The following UBE2D3 variants were observed in gnomAD, a reference collection of about 807,000 sequenced individuals.
UBE2D3 encodes ubiquitin conjugating enzyme E2 D3, also known as ubiquitin-conjugating enzyme E2 D3.
In UBE2D3, 2 loss-of-function variants were observed where a neutral mutation model predicts 22.8. That is an observed-to-expected ratio of 0.09 (90% CI 0.04 to 0.28). UBE2D3 has a LOEUF of 0.28. UBE2D3 is among the 10% of genes least tolerant of loss of function. The pLI is 1.00. For missense variants in UBE2D3, 27 were observed against 182.5 expected (o/e 0.15, Z 4.91); for synonymous variants, 56 against 60.4 (o/e 0.93, Z 0.34).
intron 1 of UBE2D3, among the ~76,000 whole-genome samples, chr4:102,863,050 GT>G (rs369719595): frequency 1.6e-3 from 234 of 148,402 alleles, no homozygotes; most frequent in African/African-American, 5.2e-3. Context: ...GTTTTTCTTT[GT>G]TTTTTTTTTC....
chr4:102,819,674 A>C, intron 2 of UBE2D3: 1 of 810,438 alleles, frequency 1.2e-6, no homozygotes, highest in Non-Finnish European at 1.5e-6. Flanking sequence ...AAGTTCATGG[A>C]TTCTACCTTT....
upstream of UBE2D3, among the ~76,000 whole-genome samples, chr4:102,830,324 A>G (rs1731052473): frequency 6.6e-6 from 1 of 152,264 alleles, no homozygotes; most frequent in African/African-American, 2.4e-5. Flanking sequence ...ACAAGAAAGG[A>G]AAATAATCAT....
At chr4:102,802,366 CA>C in intron 5 of UBE2D3, 194 bp downstream of exon 5, 1 of 377,528 alleles carries the variant, frequency 2.6e-6, no homozygotes, top group Non-Finnish European at 4.7e-6. Flanking sequence ...AAAGAAAAGG[CA>C]AACCTTATTC....
At chr4:102,802,798 A>T in intron 4 of UBE2D3, 160 bp from the exon 5 acceptor site, 1 of 454,780 alleles carries the variant, frequency 2.2e-6, no homozygotes, top group Non-Finnish European at 3.8e-6. Flanking sequence ...AGTAATAGAA[A>T]AAAACTTAAA....
chr4:102,825,877 G>A (rs1395313557), intron 2 of UBE2D3: 4 of 438,548 alleles, frequency 9.1e-6, no homozygotes, highest in Non-Finnish European at 1.8e-5. Context: ...TACAGGAAGT[G>A]GCAACACTGT....
intron 1 of UBE2D3, among the ~76,000 whole-genome samples, chr4:102,854,370 TG>T (rs1732532925): frequency 1.3e-5 from 2 of 152,316 alleles, no homozygotes; most frequent in East Asian, 3.9e-4. Context: ...CAATTTTTAC[TG>T]ATTTTCTGCC....
In UBE2D3 at chr4:102,802,625, T is replaced by A; in HGVS notation, c.134A>T (p.Tyr45Phe). ...ATIMGPNDSP[Y>F]QGGVFFLTIH... The stretch of plus-strand genomic sequence containing the variant: ...TGTCAAAAAGAATACACCGCCTTGA[T>A]ATGGGCTGTCATTCTGTAAAAAGAA... The change falls in exon 5 of 8, where the codon TAT becomes TTT. Residue 45 changes from tyrosine (Y) to phenylalanine (F), a missense_variant. Physicochemically the swap from Tyr to Phe is conservative, Grantham distance 22. Transcript: ENST00000453744. The A allele has an allele frequency of 6.3e-7, 1 of 1,598,842 alleles. No individual in the cohort carries two copies. The highest frequency in any genetic ancestry group is 8.5e-7 in the Non-Finnish European group (1 of 1,171,282).
At chr4:102,857,767 T>G (rs897197429) in intron 1 of UBE2D3, among the ~76,000 whole-genome samples, 1 of 152,104 alleles carries the variant, frequency 6.6e-6, no homozygotes. Context: ...GATCTCAGCT[T>G]ATTACAACCT....
intron 2 of UBE2D3, chr4:102,811,366 T>C (rs757951381): frequency 3.8e-4 from 57 of 151,556 alleles, no homozygotes; most frequent in South Asian, 8.0e-4. Flanking sequence ...CAAAATCCTG[T>C]CTCAGAAACA....
chr4:102,830,649 A>G (rs957003918), upstream of UBE2D3, among the ~76,000 whole-genome samples: 14 of 152,210 alleles, frequency 9.2e-5, no homozygotes, highest in African/African-American at 3.4e-4. Context: ...CGATCACTTG[A>G]GCCCAGGAGT....
In UBE2D3 at chr4:102,865,725, G is replaced by C. The variant is rs544130816; in HGVS notation, c.-129+2990C>G. Among the ~76,000 whole-genome samples, 80 of 152,216 alleles carry C rather than the reference G, an allele frequency of 5.3e-4. 1 individual carries two copies. The highest frequency in any genetic ancestry group is 4.6e-3 in the Admixed American group (70 of 15,288). On this transcript the variant is annotated intron_variant, in intron 1 of 7. Coordinates refer to the UBE2D3 transcript ENST00000338145. ...ATCTGGGCTGGAAATAGAGATTTGG[G>C]CTATATCTTAACGATCATATTTGAA...
chr4:102,802,559 G>A lies in UBE2D3; in HGVS notation c.198+2C>T, dbSNP rs778365091. 5 of 1,603,684 alleles carry A rather than the reference G, an allele frequency of 3.1e-6. No individual in the cohort carries two copies. The East Asian group carries it at 1.1e-4, about 36-fold the overall frequency. ...TAACAGATTTTGAGGGAAAATACTT[G>A]CCTTAGGTGGTTTGAAGGGGTAGTC... On this transcript the variant is annotated splice_donor_variant, in intron 5 of 7. Transcript: ENST00000453744. LOFTEE classifies it low-confidence loss of function (GC_TO_GT_DONOR).
chr4:102,830,336 T>C (rs571859372), upstream of UBE2D3, among the ~76,000 whole-genome samples: 1 of 152,346 alleles, frequency 6.6e-6, no homozygotes, highest in Non-Finnish European at 1.5e-5. Context: ...AATAATCATG[T>C]TTTTTATATT....
rs534441469 is a variant in UBE2D3, at chr4:102,813,187, G to C, written c.25-3332C>G. 2.6e-5 allele frequency among the ~76,000 whole-genome samples: 4 copies of C among 151,968 alleles called. No individual in the cohort carries two copies. The South Asian group carries it at 8.3e-4, about 31-fold the overall frequency. ...ACCAATCCTCTCCCCTTTTAAAAAA[G>C]TGATGGGAATCTCACTATGTTGCCC... On this transcript the variant is annotated intron_variant, in intron 2 of 7. Transcript: ENST00000453744.
intron 1 of UBE2D3, among the ~76,000 whole-genome samples, chr4:102,860,583 A>G (rs1345894600): frequency 6.6e-6 from 1 of 151,924 alleles, no homozygotes; most frequent in African/African-American, 2.4e-5. Context: ...TTTCTATGAT[A>G]TGCCCATTCC....
intron 2 of UBE2D3, among the ~76,000 whole-genome samples, chr4:102,817,035 GA>G (rs1342177049): frequency 6.6e-6 from 1 of 152,192 alleles, no homozygotes; most frequent in Non-Finnish European, 1.5e-5. Flanking sequence ...AGTGCCATTT[GA>G]GCTGGCTCTT....
chr4:102,795,020 A>G lies in UBE2D3; in HGVS notation c.*2395T>C, dbSNP rs1725130819. ...AGAGGGCAAATTCTTAGATTCTTTT[A>G]AGATTTCATTGTACATATCTCATGT... is the stretch of plus-strand genomic sequence containing the variant. On this transcript the variant is annotated 3_prime_UTR_variant, in exon 8 of 8. Coordinates refer to ENST00000453744, the MANE Select transcript of UBE2D3 (RefSeq NM_181891.3). 6.6e-6 allele frequency: 1 copy of G among 152,218 alleles called. No individual in the cohort carries two copies. The highest frequency in any genetic ancestry group is 1.9e-4 in the East Asian group (1 of 5,192). 9.4% of individuals were successfully genotyped at this position (152,218 alleles called of 1,614,324 possible).
intron 1 of UBE2D3, among the ~76,000 whole-genome samples, chr4:102,854,806 G>C (rs771535345): frequency 6.6e-6 from 1 of 152,178 alleles, no homozygotes; most frequent in Non-Finnish European, 1.5e-5. Flanking sequence ...GGAAGCAAAA[G>C]CTTGAGGAAT....
At chr4:102,809,769 A>C in intron 3 of UBE2D3, 23 bp downstream of exon 3, 1 of 1,613,672 alleles carries the variant, frequency 6.2e-7, no homozygotes, top group Non-Finnish European at 8.5e-7. Context: ...TTAGGCATAA[A>C]AATCAACTTG....
Sources: gnomAD v4.1 joint callset for allele counts (sites outside exome capture counted in the v4.1 genomes callset) on GRCh38, gnomAD v4.1.1 for gene constraint, MANE v1.5 for transcripts, NCBI Gene and HGNC (gene_info 2026-07-23, HGNC 2026-07-21) for gene names.